Variants in LMX1B observed in about 807,000 individuals in gnomAD.
LMX1B encodes the protein LIM homeobox transcription factor 1-beta.
LMX1B carries 12 observed loss-of-function variants against 51.4 expected under a neutral mutation model. The observed-to-expected ratio is 0.23, with a 90% CI of 0.15 to 0.38. LMX1B has a LOEUF of 0.38. LMX1B is among the 10% of genes least tolerant of loss of function. LMX1B has a pLI of 1.00. For missense variants in LMX1B, 445 were observed against 571.1 expected (o/e 0.78, Z 2.25); for synonymous variants, 237 against 235.4 (o/e 1.01, Z -0.06).
Position 126,615,701 on chromosome 9 carries a change from C to G in LMX1B, c.326+132C>G. 1 of 777,292 alleles carries G rather than the reference C, an allele frequency of 1.3e-6. No individual in the cohort carries two copies. The highest frequency in any genetic ancestry group is 1.9e-6 in the Non-Finnish European group (1 of 525,810). The allele number at this position is 777,292 out of a possible 1,614,324, so 48.1% of individuals were successfully genotyped here. Reference sequence around the variant, plus strand: ...CTGGGCCGGGCAGCTCCAAGGGTTCCGAGAGCTGCGCGTCTTGGGGCTGGG... The same window carrying G: ...CTGGGCCGGGCAGCTCCAAGGGTTCGGAGAGCTGCGCGTCTTGGGGCTGGG... On this transcript the variant is annotated intron_variant, in intron 2 of 7. Transcript: ENST00000373474. The surrounding 1 kb of genome is among the most constrained non-coding windows in gnomAD (Gnocchi z 6.0).
At position 126,670,100 on chromosome 9, in the gene LMX1B, C is replaced by T. The variant is rs568205179; in HGVS notation, c.327-20736C>T. On this transcript the variant is annotated intron_variant, in intron 2 of 7. Transcript: ENST00000373474. ...GAGGGCCCTAACCCAAATCCCAGTT[C>T]CCAAGAGAGTCCCGGCGTGTGCCTC... 5.3e-5 allele frequency among the ~76,000 whole-genome samples: 8 copies of T among 152,312 alleles called. 1 individual carries two copies. In the South Asian group the frequency reaches 1.7e-3, roughly 32 times the overall value.
At chr9:126,680,528 T>C (rs963429858) in intron 2 of LMX1B, among the ~76,000 whole-genome samples, 7 of 152,144 alleles carry the variant, frequency 4.6e-5, no homozygotes, top group East Asian at 3.9e-4. Context: ...ATGATAATAA[T>C]GAATGTTGGA....
intron 2 of LMX1B, among the ~76,000 whole-genome samples, chr9:126,644,316 G>A (rs1835860843): frequency 1.3e-5 from 2 of 152,164 alleles, no homozygotes; most frequent in Non-Finnish European, 2.9e-5. Context: ...TGTTGGGTGA[G>A]CTATTGATCG....
chr9:126,637,971 G>A (rs953075168), intron 2 of LMX1B, among the ~76,000 whole-genome samples: 3 of 152,032 alleles, frequency 2.0e-5, no homozygotes, highest in Non-Finnish European at 4.4e-5. Context: ...CCTAAACCCC[G>A]AGAGGACGCA....
intron 2 of LMX1B, among the ~76,000 whole-genome samples, chr9:126,683,800 C>T (rs182404696): frequency 6.6e-5 from 10 of 152,318 alleles, no homozygotes; most frequent in Non-Finnish European, 1.2e-4. Context: ...GTTCAGAGAG[C>T]GGAGAGGGCT....
In LMX1B at chr9:126,626,414, G is replaced by C. The variant is rs1459965134; in HGVS notation, c.326+10845G>C. Among the ~76,000 whole-genome samples, 1 of 152,210 alleles carries C rather than the reference G, an allele frequency of 6.6e-6. No homozygotes were observed. The highest frequency in any genetic ancestry group is 1.5e-5 in the Non-Finnish European group (1 of 68,038). ...CGATGGAGGAAACCCTTTCCGGGCA[G>C]GACGAGTAGAGGGACAGGACATGGC... On this transcript the variant is annotated intron_variant, in intron 2 of 7. Coordinates refer to ENST00000373474, the MANE Select transcript of LMX1B (RefSeq NM_001174147.2). The surrounding 1 kb of genome is among the most constrained non-coding windows in gnomAD (Gnocchi z 4.3).
At chr9:126,661,580 A>T (rs2118924015) in intron 2 of LMX1B, among the ~76,000 whole-genome samples, 1 of 152,248 alleles carries the variant, frequency 6.6e-6, no homozygotes, top group Middle Eastern at 3.4e-3. Flanking sequence ...CAGACAAGGG[A>T]GGCCCCTCCC....
chr9:126,653,523 A>C (rs1307796632), intron 2 of LMX1B, among the ~76,000 whole-genome samples: 1 of 152,112 alleles, frequency 6.6e-6, no homozygotes, highest in African/African-American at 2.4e-5. Context: ...CAATTGCAAA[A>C]AATAGAGAGG....
At chr9:126,617,916 G>C (rs1321892437) in intron 2 of LMX1B, among the ~76,000 whole-genome samples, 1 of 101,766 alleles carries the variant, frequency 9.8e-6, no homozygotes, top group South Asian at 4.1e-4. Flanking sequence ...GGGGGTGGGG[G>C]GTGGGGGGTG....
In LMX1B at chr9:126,695,675, C is replaced by G. The variant is rs561994325; in HGVS notation, c.887-164C>G. Among the ~76,000 whole-genome samples the G allele has an allele frequency of 6.6e-5, 10 of 152,160 alleles. No individual in the cohort carries two copies. The East Asian group carries it at 1.7e-3, about 26-fold the overall frequency. On this transcript the variant is annotated intron_variant, in intron 6 of 7. Coordinates refer to ENST00000373474, the MANE Select transcript of LMX1B (RefSeq NM_001174147.2). This position sits in a 1 kb window ranked among gnomAD's most constrained non-coding sequence, Gnocchi z 5.2. ...TGGTAAGCTGAGCCTGGAGGAGGAG[C>G]TGGAGTGTGCACCTGGGGAAGGGGC...
intron 2 of LMX1B, among the ~76,000 whole-genome samples, chr9:126,628,727 C>A (rs1835578145): frequency 6.6e-6 from 1 of 152,140 alleles, no homozygotes; most frequent in Non-Finnish European, 1.5e-5. Flanking sequence ...CACTCTTTGG[C>A]ATATGTTTTT....
rs1296578295 is a variant in LMX1B, at chr9:126,658,481, T to C, written c.327-32355T>C. On this transcript the variant is annotated intron_variant, in intron 2 of 7. Transcript: ENST00000373474. The surrounding 1 kb of genome is among the most constrained non-coding windows in gnomAD (Gnocchi z 4.0). ...TCCACATTCCCAGCTCCTGATTAGA[T>C]TTGGGAAGGACTAATTAGATATAAT... Among the ~76,000 whole-genome samples the C allele has an allele frequency of 6.6e-6, 1 of 152,016 alleles. No individual in the cohort carries two copies. The highest frequency in any genetic ancestry group is 2.4e-5 in the African/African-American group (1 of 41,384).
intron 2 of LMX1B, among the ~76,000 whole-genome samples, chr9:126,648,793 C>G (rs1345040983): frequency 1.3e-5 from 2 of 152,144 alleles, no homozygotes; most frequent in Non-Finnish European, 2.9e-5. Flanking sequence ...GTTACCAGGA[C>G]TGAGGGGGCT....
intron 2 of LMX1B, among the ~76,000 whole-genome samples, chr9:126,683,107 C>A (rs923052799): frequency 6.6e-6 from 1 of 150,996 alleles, no homozygotes; most frequent in African/African-American, 2.4e-5. Context: ...CCGGCGGCCC[C>A]GCACAGCTGC....
At chr9:126,694,907 T>G (rs1197518728) in intron 6 of LMX1B, among the ~76,000 whole-genome samples, 1 of 152,052 alleles carries the variant, frequency 6.6e-6, no homozygotes, top group African/African-American at 2.4e-5. Flanking sequence ...TCCCAACCCA[T>G]GCCGTATGCT....
At chr9:126,628,547 G>T (rs1231121177) in intron 2 of LMX1B, among the ~76,000 whole-genome samples, 1 of 152,188 alleles carries the variant, frequency 6.6e-6, no homozygotes. Context: ...GGTTGTCTTA[G>T]AGCGATGGAA....
intron 2 of LMX1B, among the ~76,000 whole-genome samples, chr9:126,616,912 C>T (rs1277511689): frequency 6.6e-6 from 1 of 152,170 alleles, no homozygotes; most frequent in African/African-American, 2.4e-5. Context: ...CTCTTTCTTC[C>T]GGCTGAGGGA....
At chr9:126,649,458 C>A (rs576673570) in intron 2 of LMX1B, among the ~76,000 whole-genome samples, 2 of 152,294 alleles carry the variant, frequency 1.3e-5, no homozygotes, top group East Asian at 3.9e-4. Context: ...TCAAGCAGGC[C>A]TCAGAATCCC....
At chr9:126,669,453 T>C (rs1836409452) in intron 2 of LMX1B, among the ~76,000 whole-genome samples, 1 of 152,196 alleles carries the variant, frequency 6.6e-6, no homozygotes, top group Admixed American at 6.5e-5. Context: ...TGTATTTGTA[T>C]GAGCGCATGT....
Sources: allele counts gnomAD v4.1 joint callset (sites outside exome capture counted in the v4.1 genomes callset), GRCh38; gene constraint gnomAD v4.1.1; non-coding constraint Gnocchi (gnomAD v3.1); transcripts MANE v1.5; gene names NCBI Gene and HGNC (gene_info 2026-07-23, HGNC 2026-07-21).